The following USP32 variants were observed in gnomAD, a reference collection of about 807,000 sequenced individuals.
USP32 encodes the protein ubiquitin specific peptidase 32.
USP32 carries 59 observed loss-of-function variants against 204.8 expected under a neutral mutation model. The observed-to-expected ratio is 0.29, with a 90% CI of 0.23 to 0.36. The LOEUF (loss-of-function observed/expected upper bound fraction) is 0.36. Among genes scored for constraint, USP32 ranks in the 10% least tolerant of loss-of-function variants. The probability of loss-of-function intolerance (pLI) is 1.00; values close to 1 mark genes in which losing one functional copy is unlikely to be tolerated. For missense variants in USP32, 1,160 were observed against 1,946.4 expected, an observed-to-expected ratio of 0.60 and a Z score of 7.60; for synonymous variants, 517 against 678.4, an observed-to-expected ratio of 0.76 and a Z score of 3.70.
At chr17:60,243,404 T>C (rs1365374573) in intron 11 of USP32, among the ~76,000 whole-genome samples, 2 of 152,186 alleles carry the variant, frequency 1.3e-5, no homozygotes, top group Non-Finnish European at 2.9e-5. Flanking sequence ...TGTTGATAAG[T>C]GCGGCAAAAG....
chr17:60,252,458 G>A lies in USP32; in HGVS notation c.1075-16C>T. ...TGTGACACACCTAGGGAAAAAAATG[G>A]TAAATCAAAGTTTATTAACTGCATA... is the stretch of plus-strand genomic sequence containing the variant. On this transcript the variant is annotated splice_polypyrimidine_tract_variant and intron_variant, in intron 10 of 33. Coordinates refer to ENST00000300896, the MANE Select transcript of USP32 (RefSeq NM_032582.4). 4 of 1,594,516 alleles carry A rather than the reference G, an allele frequency of 2.5e-6. No individual in the cohort carries two copies. The highest frequency in any genetic ancestry group is 3.4e-6 in the Non-Finnish European group (4 of 1,168,692).
At chr17:60,321,101 A>G (rs1370010966) in intron 2 of USP32, among the ~76,000 whole-genome samples, 2 of 152,192 alleles carry the variant, frequency 1.3e-5, no homozygotes, top group Non-Finnish European at 2.9e-5. Context: ...GGAAATAGAA[A>G]GTAAAAAGAA....
chr17:60,302,867 A>G (rs1669625131), intron 2 of USP32, among the ~76,000 whole-genome samples: 3 of 152,200 alleles, frequency 2.0e-5, no homozygotes. Context: ...AAGAAAAACT[A>G]TGCATAGGAA....
chr17:60,367,188 C>T (rs1480341993), intron 1 of USP32, among the ~76,000 whole-genome samples: 1 of 152,144 alleles, frequency 6.6e-6, no homozygotes, highest in East Asian at 1.9e-4. Flanking sequence ...GGGTTCCATA[C>T]CCAGAGATTC....
chr17:60,269,659 G>A, intron 6 of USP32, 102 bp from the exon 7 acceptor site: 2 of 952,676 alleles, frequency 2.1e-6, no homozygotes. Context: ...TAAACTGACT[G>A]AATTTTTTTT....
chr17:60,198,099 C>A (rs2084570260), intron 27 of USP32, among the ~76,000 whole-genome samples, 161 bp downstream of exon 27: 2 of 152,218 alleles, frequency 1.3e-5, no homozygotes, highest in African/African-American at 4.8e-5. Flanking sequence ...CTCTCCTACT[C>A]CAAATATCAA....
At chr17:60,384,089 A>G (rs898581136) in intron 1 of USP32, among the ~76,000 whole-genome samples, 1 of 152,216 alleles carries the variant, frequency 6.6e-6, no homozygotes, top group Non-Finnish European at 1.5e-5. Context: ...AGATAAGGGG[A>G]TATGGTCAGA....
In USP32 at chr17:60,177,818, T is replaced by G. The variant is rs1046360682; in HGVS notation, c.*1437A>C. 5.9e-5 allele frequency among the ~76,000 whole-genome samples: 9 copies of G among 152,190 alleles called. No homozygotes were observed. Among genetic ancestry groups the G allele is most frequent in the African/African-American group, 2.2e-4 (9 of 41,456 alleles). On this transcript the variant is annotated 3_prime_UTR_variant, in exon 34 of 34. Coordinates refer to ENST00000300896, the MANE Select transcript of USP32 (RefSeq NM_032582.4). The stretch of plus-strand genomic sequence containing the variant: ...CCTCAGATATCAGAACACAAATACT[T>G]AGTTACATTGGTAATTACTATCTAT...
chr17:60,408,385 CT>C (rs959586974), intron 1 of USP32, among the ~76,000 whole-genome samples: 5 of 148,934 alleles, frequency 3.4e-5, no homozygotes, highest in African/African-American at 7.3e-5. Context: ...TCTGGCTCAA[CT>C]TTTTTTTTTG....
intron 1 of USP32, among the ~76,000 whole-genome samples, chr17:60,403,268 G>A (rs953055524): frequency 3.9e-5 from 6 of 152,030 alleles, no homozygotes; most frequent in South Asian, 2.1e-4. Context: ...TGCCGGCCTC[G>A]GCCTCCCAAA....
chr17:60,291,240 A>T (rs1474254201), intron 4 of USP32, among the ~76,000 whole-genome samples: 2 of 152,238 alleles, frequency 1.3e-5, no homozygotes, highest in Non-Finnish European at 2.9e-5. Context: ...ATCATTCCAC[A>T]TAACTGGTAG....
At chr17:60,290,311 A>T (rs1424766300) in intron 4 of USP32, among the ~76,000 whole-genome samples, 2 of 152,182 alleles carry the variant, frequency 1.3e-5, no homozygotes, top group Non-Finnish European at 2.9e-5. Flanking sequence ...TGTTCTTTGG[A>T]CATATTGAAG....
At chr17:60,309,172 A>G (rs2087797090) in intron 2 of USP32, among the ~76,000 whole-genome samples, 1 of 152,224 alleles carries the variant, frequency 6.6e-6, no homozygotes, top group Non-Finnish European at 1.5e-5. Flanking sequence ...TGCTCAGCAA[A>G]GGCAACAATC....
intron 5 of USP32, among the ~76,000 whole-genome samples, chr17:60,278,344 T>A (rs1567822676): frequency 6.6e-6 from 1 of 152,050 alleles, no homozygotes; most frequent in South Asian, 2.1e-4. Flanking sequence ...TGAAAACTGA[T>A]CATTTTCATC....
intron 29 of USP32, among the ~76,000 whole-genome samples, chr17:60,188,993 A>G (rs1471866252): frequency 2.6e-5 from 4 of 152,248 alleles, no homozygotes; most frequent in African/African-American, 9.6e-5. Flanking sequence ...TATAAGCAGG[A>G]TGTCCTAAAG....
chr17:60,336,847 T>C (rs1057440203), intron 2 of USP32, among the ~76,000 whole-genome samples: 3 of 152,140 alleles, frequency 2.0e-5, no homozygotes, highest in East Asian at 3.8e-4. Flanking sequence ...CAGATTCTAG[T>C]TACAGGGAAA....
intron 5 of USP32, among the ~76,000 whole-genome samples, chr17:60,277,794 G>C (rs1394750436): frequency 6.6e-6 from 1 of 151,918 alleles, no homozygotes; most frequent in Non-Finnish European, 1.5e-5. Context: ...CTGGGGAAAT[G>C]CCAAAAACTT....
upstream of USP32, chr17:60,392,577 G>A (rs775224154): frequency 7.1e-5 from 31 of 437,362 alleles, no homozygotes; most frequent in South Asian, 5.0e-4. Flanking sequence ...TAACATGGAA[G>A]ACCGCAGAAT....
At chr17:60,185,949 C>G in intron 29 of USP32, 1 of 237,474 alleles carries the variant, frequency 4.2e-6, no homozygotes, top group Middle Eastern at 1.5e-3. Context: ...GTCTGTAGTC[C>G]CAGCTACTCA....
Sources: allele counts gnomAD v4.1 joint callset (sites outside exome capture counted in the v4.1 genomes callset), GRCh38; gene constraint gnomAD v4.1.1; transcripts MANE v1.5; gene names NCBI Gene and HGNC (gene_info 2026-07-23, HGNC 2026-07-21).